PAX7: variants seen among roughly 807,000 people sequenced by gnomAD.
PAX7 encodes the protein paired box 7, also known as paired box protein Pax-7.
In PAX7, 18 loss-of-function variants were observed where a neutral mutation model predicts 50.7. The observed-to-expected ratio is 0.36, with a 90% CI of 0.25 to 0.53. PAX7 has a LOEUF of 0.53. PAX7 is among the 20% of genes least tolerant of loss of function. The pLI is 0.93. For missense variants in PAX7, 644 were observed against 702.9 expected (o/e 0.92, Z 0.95); for synonymous variants, 310 against 290.4 (o/e 1.07, Z -0.69).
At chr1:18,646,869 GGGGGCGGCGC>G (rs1174422630) in intron 4 of PAX7, among the ~76,000 whole-genome samples, 6 of 150,278 alleles carry the variant, frequency 4.0e-5, no homozygotes, top group Non-Finnish European at 5.9e-5. Context: ...AAGAAAACCG[GGGGGCGGCGC>G]GGGGCGGCGC....
intron 4 of PAX7, among the ~76,000 whole-genome samples, chr1:18,671,817 A>T (rs1405234815): frequency 6.6e-6 from 1 of 151,750 alleles, no homozygotes; most frequent in Non-Finnish European, 1.5e-5. Flanking sequence ...AAAAAAAAAA[A>T]AATTAAAAAA....
At chr1:18,657,258 G>C (rs1290700495) in intron 4 of PAX7, among the ~76,000 whole-genome samples, 3 of 152,018 alleles carry the variant, frequency 2.0e-5, no homozygotes, top group Non-Finnish European at 4.4e-5. Context: ...GCAGATATGG[G>C]CTCCCAGGAG....
chr1:18,656,094 G>A (rs1016180830), intron 4 of PAX7, among the ~76,000 whole-genome samples: 3 of 152,204 alleles, frequency 2.0e-5, no homozygotes, highest in African/African-American at 7.2e-5. Context: ...TCACTGGGCT[G>A]TTGGGAAAAT....
rs764127653 is a variant in PAX7, at chr1:18,703,251, G to T, written c.1110G>T (p.Ala370=). 1 of 1,614,004 alleles carries T rather than the reference G, an allele frequency of 6.2e-7. No homozygotes were observed. Among genetic ancestry groups the T allele is most frequent in the East Asian group, 2.2e-5 (1 of 44,902 alleles). Reference sequence around the variant, plus strand: ...CTGACAGCTTCATGAATCCGGCGGCGCCCTCCAACCACATGAACCCGGTCA... The same window carrying T: ...CTGACAGCTTCATGAATCCGGCGGCTCCCTCCAACCACATGAACCCGGTCA... ...SYSDSFMNPA[A]PSNHMNPVSN... The change falls in exon 7 of 9, where the codon GCG becomes GCT. Residue 370 remains alanine, a synonymous_variant. Transcript: ENST00000420770.
chr1:18,636,331 G>T lies in PAX7; in HGVS notation c.546G>T (p.Lys182Asn). Reference protein sequence around the residue: ...EADKKEDDGEKKAKHSIDGIL... With the variant: ...EADKKEDDGENKAKHSIDGIL... ...ACAAGAAGGAGGACGACGGCGAAAA[G>T]AAGGCCAAACACAGCATCGACGGCA... is the stretch of plus-strand genomic sequence containing the variant. The change falls in exon 4 of 9, where the codon AAG becomes AAT. Residue 182 changes from lysine (K) to asparagine (N), a missense_variant. Transcript: ENST00000420770. This position sits in a 1 kb window ranked among gnomAD's most constrained non-coding sequence, Gnocchi z 5.1. 6.2e-7 allele frequency: 1 copy of T among 1,614,260 alleles called. No homozygotes were observed.
intron 4 of PAX7, among the ~76,000 whole-genome samples, chr1:18,642,924 G>T (rs2088278873): frequency 6.6e-6 from 1 of 151,768 alleles, no homozygotes; most frequent in Admixed American, 6.6e-5. Flanking sequence ...GGAAGGGGAG[G>T]GGCCTGGAGG....
intron 4 of PAX7, among the ~76,000 whole-genome samples, chr1:18,686,081 T>C (rs1396308938): frequency 1.3e-5 from 2 of 152,348 alleles, no homozygotes; most frequent in East Asian, 3.9e-4. Flanking sequence ...ACAAGCTGCC[T>C]TGATGTTTTA....
At chr1:18,716,008 G>A (rs1312961269) in intron 7 of PAX7, among the ~76,000 whole-genome samples, 2 of 151,446 alleles carry the variant, frequency 1.3e-5, no homozygotes, top group Admixed American at 6.6e-5. Context: ...CCCCACTCTA[G>A]GTTCCTGCCC....
intron 8 of PAX7, among the ~76,000 whole-genome samples, chr1:18,736,408 T>G (rs557647103): frequency 2.2e-4 from 32 of 143,418 alleles, no homozygotes; most frequent in South Asian, 8.7e-4. Context: ...GAGGTTGCAG[T>G]GAGCCGAGAT....
At chr1:18,670,082 C>CA (rs10626256) in intron 4 of PAX7, among the ~76,000 whole-genome samples, 19,083 of 81,084 alleles carry the variant, frequency 0.24, 2,903 homozygotes, top group East Asian at 0.4. Flanking sequence ...GACTCCATCT[C>CA]AAAAAAAAAA....
rs1373095601 is a variant in PAX7 at position 18,655,044 on chromosome 1, C to T, written c.586+18673C>T. Among the ~76,000 whole-genome samples the T allele has an allele frequency of 2.0e-5, 3 of 152,334 alleles. No homozygotes were observed. The East Asian group carries it at 5.8e-4, about 29-fold the overall frequency. On this transcript the variant is annotated intron_variant, in intron 4 of 8. Coordinates refer to ENST00000420770, the MANE Select transcript of PAX7 (RefSeq NM_001135254.2). ...CTGGGCCAGAACCATATATGCATTC[C>T]TTTAATTTGGGCATCATTGTTATCA...
chr1:18,693,985 G>C (rs1335089415), intron 5 of PAX7, among the ~76,000 whole-genome samples: 1 of 152,190 alleles, frequency 6.6e-6, no homozygotes. Flanking sequence ...AGGGGGCGGG[G>C]CCCGCCTCCT....
rs80097531 is a variant in PAX7 at position 18,740,961 on chromosome 1, G to C, written c.1403-3853G>C. Among the ~76,000 whole-genome samples, 1,882 of 152,298 alleles carry C rather than the reference G, an allele frequency of 0.012. 93 individuals are homozygous for C. The East Asian group carries it at 0.17, about 14-fold the overall frequency. On this transcript the variant is annotated intron_variant, in intron 8 of 8. Coordinates refer to ENST00000420770, the MANE Select transcript of PAX7 (RefSeq NM_001135254.2). Reference sequence around the variant, plus strand: ...AGAAGGTTGATCTCATGGAGGTAGAGAGTCAAATGATGGTTACTAGAGGCA... The same window carrying C: ...AGAAGGTTGATCTCATGGAGGTAGACAGTCAAATGATGGTTACTAGAGGCA...
chr1:18,726,331 T>C lies in PAX7; in HGVS notation c.1156-9301T>C, dbSNP rs1427919252. Among the ~76,000 whole-genome samples, 2 of 152,198 alleles carry C rather than the reference T, an allele frequency of 1.3e-5. No homozygotes were observed. Among genetic ancestry groups the C allele is most frequent in the Non-Finnish European group, 2.9e-5 (2 of 68,040 alleles). On this transcript the variant is annotated intron_variant, in intron 7 of 8. Coordinates refer to ENST00000420770, the MANE Select transcript of PAX7 (RefSeq NM_001135254.2). This position sits in a 1 kb window ranked among gnomAD's most constrained non-coding sequence, Gnocchi z 4.8. ...CCATTGGGTTGGAGGATGTTTGCAATATGTCCCCTCAATTTATTCTTTTCC... is the reference window on the plus strand; with the variant it reads ...CCATTGGGTTGGAGGATGTTTGCAACATGTCCCCTCAATTTATTCTTTTCC...
At chr1:18,665,028 A>G (rs1048623834) in intron 4 of PAX7, among the ~76,000 whole-genome samples, 1 of 152,158 alleles carries the variant, frequency 6.6e-6, no homozygotes, top group Admixed American at 6.5e-5. Context: ...TAGGAAGATG[A>G]CATCTCTCTG....
rs931297870 is a variant in PAX7 at position 18,735,619 on chromosome 1, C to T, written c.1156-13C>T. The T allele has an allele frequency of 1.4e-5, 22 of 1,604,718 alleles. No homozygotes were observed. In the African/African-American group the frequency reaches 2.7e-4, roughly 19 times the overall value. On this transcript the variant is annotated splice_polypyrimidine_tract_variant and intron_variant, in intron 7 of 8. Transcript: ENST00000420770. This position sits in a 1 kb window ranked among gnomAD's most constrained non-coding sequence, Gnocchi z 4.0. ...GTCCGGTGAGCCTGGCACTAATGGC[C>T]TTTTCCCCACAGGTGATGAGCATCT...
At chr1:18,709,659 C>A (rs115326690) in intron 7 of PAX7, among the ~76,000 whole-genome samples, 2 of 152,170 alleles carry the variant, frequency 1.3e-5, no homozygotes, top group African/African-American at 2.4e-5. Context: ...GATGAGGAAA[C>A]CTTCCTTGTC....
At chr1:18,724,419 G>A (rs1297428200) in intron 7 of PAX7, among the ~76,000 whole-genome samples, 4 of 152,236 alleles carry the variant, frequency 2.6e-5, no homozygotes, top group African/African-American at 9.6e-5. Context: ...GCACACTGCG[G>A]GCATGGTAGC....
intron 7 of PAX7, among the ~76,000 whole-genome samples, chr1:18,725,315 C>CACCAACA (rs1283493000): frequency 6.9e-6 from 1 of 143,946 alleles, no homozygotes; most frequent in East Asian, 2.3e-4. Context: ...CCCCCCCCGC[C>CACCAACA]CCACCAACAC....
Sources: allele counts gnomAD v4.1 joint callset (sites outside exome capture counted in the v4.1 genomes callset), GRCh38; gene constraint gnomAD v4.1.1; non-coding constraint Gnocchi (gnomAD v3.1); transcripts MANE v1.5; gene names NCBI Gene and HGNC (gene_info 2026-07-23, HGNC 2026-07-21).